SPATS2L: variants seen among roughly 807,000 people sequenced by gnomAD.
The protein encoded by SPATS2L is spermatogenesis associated serine rich 2 like, also known as SPATS2-like protein.
A neutral mutation model predicts 59.6 loss-of-function variants in SPATS2L; 30 were observed. The observed-to-expected ratio is 0.50, with a 90% CI of 0.38 to 0.68. The LOEUF is 0.68. SPATS2L is among the 30% of genes least tolerant of loss of function. The pLI is 0.00. For synonymous variants in SPATS2L, 252 were observed against 263.5 expected, an observed-to-expected ratio of 0.96 and a Z score of 0.42; for missense variants, 615 against 700.0, an observed-to-expected ratio of 0.88 and a Z score of 1.37.
At chr2:200,404,136 T>C (rs534412330) in intron 3 of SPATS2L, among the ~76,000 whole-genome samples, 125 of 152,364 alleles carry the variant, frequency 8.2e-4, no homozygotes, top group Middle Eastern at 6.8e-3. Flanking sequence ...TCTAATTCTT[T>C]CTCACTGCCA....
chr2:200,332,820 G>T (rs62179513), intron 2 of SPATS2L, among the ~76,000 whole-genome samples: 16,353 of 148,968 alleles, frequency 0.11, 949 homozygotes, highest in Non-Finnish European at 0.13. Context: ...GTATTCTAGA[G>T]AAATATATAT....
chr2:200,404,141 C>A (rs1306550728), intron 3 of SPATS2L, among the ~76,000 whole-genome samples: 1 of 152,184 alleles, frequency 6.6e-6, no homozygotes, highest in Admixed American at 6.5e-5. Context: ...TTCTTTCTCA[C>A]TGCCATCTCC....
chr2:200,377,874 C>CCT (rs1354322628), intron 2 of SPATS2L: 1 of 151,930 alleles, frequency 6.6e-6, no homozygotes, highest in Non-Finnish European at 1.5e-5. Flanking sequence ...GTCCTGGTGT[C>CCT]GCCTGGAAGA....
At chr2:200,339,853 G>T (rs11676345) in intron 2 of SPATS2L, among the ~76,000 whole-genome samples, 1,632 of 152,216 alleles carry the variant, frequency 0.011, 16 homozygotes, top group Non-Finnish European at 0.018. Flanking sequence ...AGAACTTCTG[G>T]GTTGAATGAC....
At chr2:200,411,089 T>C (rs980219610) in intron 3 of SPATS2L, among the ~76,000 whole-genome samples, 5 of 151,198 alleles carry the variant, frequency 3.3e-5, no homozygotes, top group Admixed American at 2.0e-4. Context: ...ACTTATAAAA[T>C]GTCAAGATTC....
chr2:200,465,596 C>T (rs961084854), intron 9 of SPATS2L, among the ~76,000 whole-genome samples: 2 of 152,186 alleles, frequency 1.3e-5, no homozygotes, highest in African/African-American at 4.8e-5. Context: ...GTCTGCCCAG[C>T]CACATGGTAT....
intron 3 of SPATS2L, among the ~76,000 whole-genome samples, chr2:200,411,169 G>A (rs988433929): frequency 6.6e-6 from 1 of 152,068 alleles, no homozygotes; most frequent in Non-Finnish European, 1.5e-5. Context: ...CTTGTGCTGG[G>A]TGGGTACATG....
rs146499358 is a variant in SPATS2L at position 200,323,240 on chromosome 2, C to G, written c.-72-6191C>G. Among the ~76,000 whole-genome samples the G allele has an allele frequency of 2.9e-3, 440 of 152,268 alleles. 1 individual carries two copies. The highest frequency in any genetic ancestry group is 0.01 in the African/African-American group (424 of 41,560). ...CCCTGGGCAAACAGCTTTCCTATCCCTGAGAGTCCTCAGCTCTCAAATGGA... is the reference window on the plus strand; with the variant it reads ...CCCTGGGCAAACAGCTTTCCTATCCGTGAGAGTCCTCAGCTCTCAAATGGA... On this transcript the variant is annotated intron_variant, in intron 1 of 12. Coordinates refer to ENST00000409140, the MANE Select transcript of SPATS2L (RefSeq NM_001100423.2).
chr2:200,330,298 C>G (rs2079895643), intron 2 of SPATS2L, among the ~76,000 whole-genome samples: 1 of 62,552 alleles, frequency 1.6e-5, no homozygotes, highest in African/African-American at 4.0e-5. Flanking sequence ...CTTATTGCCT[C>G]CTGGATATTT....
chr2:200,336,237 T>C (rs989050064), intron 2 of SPATS2L, among the ~76,000 whole-genome samples: 7 of 152,222 alleles, frequency 4.6e-5, no homozygotes, highest in Non-Finnish European at 5.9e-5. Context: ...AATTTTATGA[T>C]ACCTGGAAAA....
chr2:200,443,950 T>G (rs2084865358), intron 8 of SPATS2L, among the ~76,000 whole-genome samples: 1 of 152,224 alleles, frequency 6.6e-6, no homozygotes, highest in Non-Finnish European at 1.5e-5. Context: ...AAAGTTGGCA[T>G]TTAAGCAGGA....
In SPATS2L at chr2:200,439,312, G is replaced by C. The variant is rs2084525318; in HGVS notation, c.636G>C (p.Glu212Asp). The C allele has an allele frequency of 6.2e-7, 1 of 1,613,138 alleles. No homozygotes were observed. Residue 212 changes from glutamate (E) to aspartate (D), a missense_variant, in exon 7 of 13, where the codon GAG (glutamate) becomes GAC (aspartate). Glu to Asp is a conservative substitution (Grantham distance 45). Coordinates refer to ENST00000409140, the MANE Select transcript of SPATS2L (RefSeq NM_001100423.2). The stretch of plus-strand genomic sequence containing the variant: ...CTCATCTTGAAATAAAGCCAGATGA[G>C]TTGGCAAAGAAAAGAGGTAAAGTGA... ...PAAHLEIKPD[E>D]LAKKRGPNIE...
intron 2 of SPATS2L, among the ~76,000 whole-genome samples, chr2:200,329,905 C>G (rs1398850914): frequency 6.6e-6 from 1 of 152,224 alleles, no homozygotes; most frequent in East Asian, 1.9e-4. Flanking sequence ...GCCACTTTTG[C>G]TCTCACTGTC....
intron 1 of SPATS2L, among the ~76,000 whole-genome samples, chr2:200,310,687 C>G (rs1219529843): frequency 2.0e-5 from 3 of 152,236 alleles, no homozygotes; most frequent in South Asian, 2.1e-4. Flanking sequence ...ACCTCACAGT[C>G]TTGCCCCAAA....
rs2081035171 is a variant in SPATS2L at position 200,359,733 on chromosome 2, C to T, written c.-22-29490C>T. Among the ~76,000 whole-genome samples, 7 of 152,306 alleles carry T rather than the reference C, an allele frequency of 4.6e-5. 1 individual carries two copies. In the South Asian group the frequency reaches 1.5e-3, roughly 32 times the overall value. ...GCCATTCAGCAACTGTTAGCTCAGTCCTCACCTCCTTCCAGTTCATTTCAA... is the reference window on the plus strand; with the variant it reads ...GCCATTCAGCAACTGTTAGCTCAGTTCTCACCTCCTTCCAGTTCATTTCAA... On this transcript the variant is annotated intron_variant, in intron 2 of 12. Coordinates refer to ENST00000409140, the MANE Select transcript of SPATS2L (RefSeq NM_001100423.2).
chr2:200,391,435 A>G (rs1274017500), intron 3 of SPATS2L, among the ~76,000 whole-genome samples: 1 of 152,196 alleles, frequency 6.6e-6, no homozygotes, highest in African/African-American at 2.4e-5. Flanking sequence ...TTGTAATCAC[A>G]TGTAGTTTAT....
intron 2 of SPATS2L, among the ~76,000 whole-genome samples, chr2:200,381,281 C>T (rs1206507382): frequency 6.6e-6 from 1 of 152,158 alleles, no homozygotes; most frequent in Non-Finnish European, 1.5e-5. Context: ...TACTGTACAT[C>T]ATTGGAGACA....
intron 6 of SPATS2L, among the ~76,000 whole-genome samples, chr2:200,430,376 T>C (rs762625011): frequency 6.6e-6 from 1 of 152,196 alleles, no homozygotes; most frequent in Non-Finnish European, 1.5e-5. Context: ...GATTTTGTGT[T>C]TCTGGGTTTA....
chr2:200,389,520 A>ATCT, intron 3 of SPATS2L: 1 of 408,092 alleles, frequency 2.5e-6, no homozygotes, highest in South Asian at 4.9e-5. Flanking sequence ...CATAAAGAAG[A>ATCT]TACTGTTGTT....
Sources: allele counts gnomAD v4.1 joint callset (sites outside exome capture counted in the v4.1 genomes callset), GRCh38; gene constraint gnomAD v4.1.1; transcripts MANE v1.5; gene names NCBI Gene and HGNC (gene_info 2026-07-23, HGNC 2026-07-21).